VWDE: variants seen among roughly 807,000 people sequenced by gnomAD.
VWDE encodes the protein von Willebrand factor D and EGF domain-containing protein.
A neutral mutation model predicts 178.4 loss-of-function variants in VWDE; 207 were observed. The ratio of observed to expected loss-of-function variants is 1.16; its 90% confidence interval spans 1.04 to 1.30. VWDE has a LOEUF of 1.30. VWDE is among the 50% of genes most tolerant of loss of function. VWDE has a pLI of 0.00. For missense variants in VWDE, 2,287 were observed against 1,901.3 expected (o/e 1.20, Z -3.77); for synonymous variants, 738 against 651.4 (o/e 1.13, Z -2.02).
chr7:12,389,412 T>G, intron 2 of VWDE, 54 bp from the exon 3 acceptor site: 1 of 1,273,902 alleles, frequency 7.8e-7, no homozygotes, highest in Non-Finnish European at 1.1e-6. Context: ...TCATCCATTG[T>G]AGATATATCA....
At chr7:12,375,289 T>C (rs1410225447) in intron 7 of VWDE, 62 bp from the exon 8 acceptor site, 3 of 1,143,298 alleles carry the variant, frequency 2.6e-6, no homozygotes, top group Non-Finnish European at 3.7e-6. Context: ...AAGCATGTAA[T>C]AAATTAATTA....
In VWDE at chr7:12,369,611, G is replaced by A. The variant is rs1482955728; in HGVS notation, c.2695C>T (p.Gln899Ter). 6.4e-7 allele frequency: 1 copy of A among 1,551,372 alleles called. No homozygotes were observed. Among genetic ancestry groups the A allele is most frequent in the Non-Finnish European group, 8.7e-7 (1 of 1,146,758 alleles). Residue 899 changes from glutamine (Q) to a stop codon, truncating the protein, a stop_gained, in exon 12 of 29, where the codon CAG (glutamine) becomes TAG (stop). Transcript: ENST00000275358. LOFTEE classifies it high-confidence loss of function. ...CACGCACACCCCCATTCCATGCACT[G>A]CCCATTGCCGCTGCATAAATTGGGG... Reference protein sequence around the residue: ...KCPNLCSGNGQCMEWGCACSP... With the variant: ...KCPNLCSGNG
chr7:12,364,574 T>G (rs1782758249), intron 13 of VWDE, among the ~76,000 whole-genome samples: 1 of 152,062 alleles, frequency 6.6e-6, no homozygotes, highest in African/African-American at 2.4e-5. Context: ...ATGAAATAAG[T>G]TTCCATTAGT....
intron 4 of VWDE, 82 bp from the exon 5 acceptor site, chr7:12,380,815 A>C (rs1783816228): frequency 1.4e-6 from 2 of 1,452,870 alleles, no homozygotes; most frequent in East Asian, 2.5e-5. Context: ...AAAGACTATA[A>C]CTCTGTGGTT....
intron 7 of VWDE, among the ~76,000 whole-genome samples, chr7:12,375,723 T>C (rs7802736): frequency 0.25 from 37,389 of 151,868 alleles, 4,804 homozygotes; most frequent in African/African-American, 0.28. Context: ...TCTCAAAAAA[T>C]AGACAAATCA....
chr7:12,363,599 T>G (rs550270730), intron 13 of VWDE, among the ~76,000 whole-genome samples: 1 of 152,140 alleles, frequency 6.6e-6, no homozygotes, highest in South Asian at 2.1e-4. Context: ...AAAAAAGAGT[T>G]TCTATCCATT....
chr7:12,389,424 C>A, intron 2 of VWDE, 66 bp from the exon 3 acceptor site: 1 of 1,173,232 alleles, frequency 8.5e-7, no homozygotes, highest in African/African-American at 1.6e-5. Context: ...GATATATCAA[C>A]TTTGCATTTT....
chr7:12,387,386 T>A (rs1396043729), intron 3 of VWDE, among the ~76,000 whole-genome samples: 1 of 151,990 alleles, frequency 6.6e-6, no homozygotes, highest in Non-Finnish European at 1.5e-5. Flanking sequence ...GGAGAAAACT[T>A]ATTGTAATTA....
intron 6 of VWDE, among the ~76,000 whole-genome samples, chr7:12,378,702 C>T (rs962654961): frequency 1.3e-5 from 2 of 152,188 alleles, no homozygotes; most frequent in African/African-American, 2.4e-5. Context: ...CTTCCCCTCA[C>T]GCTGTAGTTA....
At chr7:12,359,791 G>A (rs965142183) in intron 15 of VWDE, 99 bp from the exon 16 acceptor site, 53 of 665,604 alleles carry the variant, frequency 8.0e-5, no homozygotes, top group Admixed American at 2.9e-4. Context: ...TGATTCCAAC[G>A]AAAGCACATA....
intron 1 of VWDE, among the ~76,000 whole-genome samples, chr7:12,397,437 T>G (rs1784683032): frequency 6.6e-6 from 1 of 152,158 alleles, no homozygotes; most frequent in Non-Finnish European, 1.5e-5. Flanking sequence ...GATTAAAGAT[T>G]TAAATGTAAG....
intron 26 of VWDE, among the ~76,000 whole-genome samples, 153 bp downstream of exon 26, chr7:12,336,835 G>C (rs560973348): frequency 1.3e-5 from 2 of 152,240 alleles, no homozygotes; most frequent in African/African-American, 4.8e-5. Flanking sequence ...AACTCTTTGT[G>C]TTTCAAAGAG....
intron 13 of VWDE, among the ~76,000 whole-genome samples, chr7:12,363,677 AAAG>A (rs1782699785): frequency 6.7e-6 from 1 of 150,270 alleles, no homozygotes; most frequent in African/African-American, 2.4e-5. Flanking sequence ...ACTTTAATGA[AAAG>A]AAGGAGTGAT....
chr7:12,355,753 G>C (rs1437235491), intron 18 of VWDE, among the ~76,000 whole-genome samples: 1 of 152,034 alleles, frequency 6.6e-6, no homozygotes, highest in East Asian at 1.9e-4. Context: ...TCTCTTAAGT[G>C]ATAACTTTTG....
In VWDE at chr7:12,342,157, G is replaced by A; in HGVS notation, c.4175-3C>T. ...TTCACAGTGCCTGTTACAAACCACT[G>A]AGATCATAGAATAAAGAGAAAAGAA... On this transcript the variant is annotated splice_region_variant and splice_polypyrimidine_tract_variant and intron_variant, in intron 22 of 28. Transcript: ENST00000275358. 6.4e-7 allele frequency: 1 copy of A among 1,550,464 alleles called. No individual in the cohort carries two copies.
intron 2 of VWDE, among the ~76,000 whole-genome samples, chr7:12,389,891 G>A (rs566854725): frequency 1.1e-4 from 16 of 152,286 alleles, no homozygotes; most frequent in African/African-American, 2.9e-4. Flanking sequence ...GGTGGGGTGC[G>A]GTGGCGCATG....
chr7:12,357,636 A>G (rs1215790302), intron 16 of VWDE, 121 bp from the exon 17 acceptor site: 7 of 1,134,572 alleles, frequency 6.2e-6, no homozygotes, highest in Non-Finnish European at 7.3e-6. Flanking sequence ...AAGGTCTATT[A>G]GCTGCTTTCA....
rs1157988983 is a variant in VWDE, at chr7:12,370,210, T to C, written c.2096A>G (p.Lys699Arg). 2 of 1,551,120 alleles carry C rather than the reference T, an allele frequency of 1.3e-6. No homozygotes were observed. Among genetic ancestry groups the C allele is most frequent in the East Asian group, 4.9e-5 (2 of 40,926 alleles). Residue 699 changes from lysine (K) to arginine (R), a missense_variant, in exon 12 of 29, where the codon AAA (lysine) becomes AGA (arginine). Coordinates refer to ENST00000275358, the MANE Select transcript of VWDE (RefSeq NM_001135924.3). ...GAGTTTAGTCAGGTTTATGTGTTTT[T>C]TTTCTTGCAGAAATAAATTTAGATT... ...EYNLNLFLQEKKHINLTKLGL... is the reference protein window; with the variant it reads ...EYNLNLFLQERKHINLTKLGL...
intron 23 of VWDE, among the ~76,000 whole-genome samples, chr7:12,341,577 AGCCAAGATC>A (rs971372625): frequency 4.6e-5 from 7 of 152,064 alleles, no homozygotes; most frequent in African/African-American, 1.7e-4. Context: ...AGTTACAGTG[AGCCAAGATC>A]GCCCCACTGC....
Sources: allele counts gnomAD v4.1 joint callset (sites outside exome capture counted in the v4.1 genomes callset), GRCh38; gene constraint gnomAD v4.1.1; transcripts MANE v1.5; gene names NCBI Gene and HGNC (gene_info 2026-07-23, HGNC 2026-07-21).